Variants in SPATA6L observed in about 807,000 individuals in gnomAD.
SPATA6L encodes the protein spermatogenesis associated 6-like protein.
SPATA6L carries 68 observed loss-of-function variants against 49.2 expected under a neutral mutation model. The ratio of observed to expected loss-of-function variants is 1.38; its 90% CI spans 1.14 to 1.69. SPATA6L has a LOEUF of 1.69. Among genes scored for constraint, SPATA6L ranks in the 40% most tolerant of loss-of-function variants. The pLI is 0.00. For synonymous variants in SPATA6L, 198 were observed against 165.7 expected, an observed-to-expected ratio of 1.19 and a Z score of -1.50; for missense variants, 668 against 464.3, an observed-to-expected ratio of 1.44 and a Z score of -4.03.
intron 1 of SPATA6L, chr9:4,663,180 T>C: frequency 6.2e-7 from 1 of 1,614,166 alleles, no homozygotes; most frequent in Non-Finnish European, 8.5e-7. Context: ...TTTTCTGGGC[T>C]ACATGCAGTA....
chr9:4,624,130 T>C (rs1490688599), intron 6 of SPATA6L, among the ~76,000 whole-genome samples: 1 of 152,208 alleles, frequency 6.6e-6, no homozygotes, highest in African/African-American at 2.4e-5. Context: ...ATCAACTTAA[T>C]GATACTATCA....
In SPATA6L at chr9:4,654,519, C is replaced by T. The variant is rs539144319; in HGVS notation, c.226+1522G>A. On this transcript the variant is annotated intron_variant, in intron 3 of 11. Transcript: ENST00000682582. ...AGCTCAATTAGACCCTCTACCATGT[C>T]GCAAGGACAGAGGGCTTTCTGTACC... Among the ~76,000 whole-genome samples, 28 of 152,296 alleles carry T rather than the reference C, an allele frequency of 1.8e-4. No individual in the cohort carries two copies. The South Asian group carries it at 4.1e-3, about 23-fold the overall frequency.
intron 9 of SPATA6L, among the ~76,000 whole-genome samples, chr9:4,617,133 G>T (rs904506177): frequency 5.3e-5 from 8 of 152,122 alleles, no homozygotes; most frequent in Non-Finnish European, 1.2e-4. Context: ...GTGGTTCTGG[G>T]ATATATTTAC....
In SPATA6L at chr9:4,617,886, C is replaced by T. The variant is rs1161629665; in HGVS notation, c.995+37G>A. The T allele has an allele frequency of 2.0e-6, 3 of 1,534,142 alleles. No individual in the cohort carries two copies. In the South Asian group the frequency reaches 3.9e-5, roughly 20 times the overall value. ...GCTTTACCCCTGCCAGGCCACAATG[C>T]ACTCGTCAGGCAAACAGATGGGTGC... On this transcript the variant is annotated intron_variant, in intron 9 of 11. Coordinates refer to ENST00000682582, the MANE Select transcript of SPATA6L (RefSeq NM_001353486.2).
chr9:4,627,510 C>A, intron 5 of SPATA6L: 1 of 322,772 alleles, frequency 3.1e-6, no homozygotes, highest in South Asian at 2.5e-5. Flanking sequence ...CTGGGATAAG[C>A]ATTTTGTTTC....
chr9:4,662,682 C>T lies in SPATA6L; in HGVS notation c.40-646G>A. ...GAACCCGTCCTTCCTGGGCATCGCCCTGCGCTCCCTGCTGGCCATCGACCT... is the reference window on the plus strand; with the variant it reads ...GAACCCGTCCTTCCTGGGCATCGCCTTGCGCTCCCTGCTGGCCATCGACCT... On this transcript the variant is annotated intron_variant, in intron 1 of 11. Transcript: ENST00000682582. This position sits in a 1 kb window ranked among gnomAD's most constrained non-coding sequence, Gnocchi z 4.9. The T allele has an allele frequency of 6.2e-7, 1 of 1,600,726 alleles. No homozygotes were observed.
intron 3 of SPATA6L, among the ~76,000 whole-genome samples, chr9:4,654,577 T>C (rs1301572140): frequency 6.6e-6 from 1 of 152,190 alleles, no homozygotes; most frequent in Non-Finnish European, 1.5e-5. Context: ...ACTGGAAGAA[T>C]AGGATCACAC....
At chr9:4,626,181 T>G (rs762972276) in intron 5 of SPATA6L, 2 of 221,450 alleles carry the variant, frequency 9.0e-6, no homozygotes, top group Non-Finnish European at 1.8e-5. Context: ...CTATTCCTGT[T>G]AGCATCATTC....
chr9:4,600,703 C>T lies in SPATA6L; in HGVS notation c.*108G>A, dbSNP rs1418001876. The T allele has an allele frequency of 6.6e-6, 1 of 152,188 alleles. No individual in the cohort carries two copies. The highest frequency in any genetic ancestry group is 1.5e-5 in the Non-Finnish European group (1 of 68,028). The allele number at this position is 152,188 out of a possible 1,614,324, so 9.4% of individuals were successfully genotyped here. A position where few individuals can be genotyped will look rare whatever the true frequency, so the allele number is the denominator to read the frequency against. ...GTTTGGTTTAAAGGGGATTAGACAT[C>T]AGTGACTCAACACAGACAACAAAAA... On this transcript the variant is annotated 3_prime_UTR_variant, in exon 12 of 12. Transcript: ENST00000682582.
At chr9:4,646,359 C>T in intron 3 of SPATA6L, 1 of 521,358 alleles carries the variant, frequency 1.9e-6, no homozygotes. Context: ...GTTATATAAA[C>T]TTACAGACAC....
At position 4,657,539 on chromosome 9, in the gene SPATA6L, T is replaced by TA. The variant is rs942092336; in HGVS notation, c.178-1451dup. Among the ~76,000 whole-genome samples the TA allele has an allele frequency of 3.7e-4, 54 of 146,194 alleles. 1 individual carries two copies. Among genetic ancestry groups the TA allele is most frequent in the African/African-American group, 1.2e-3 (47 of 39,548 alleles). On this transcript the variant is annotated intron_variant, in intron 2 of 11. Coordinates refer to ENST00000682582, the MANE Select transcript of SPATA6L (RefSeq NM_001353486.2). ...AAATTTGAGCACAGAAACTGTTTTT[T>TA]AAAAAAAAAAGAAAAAGAAAAGAAA...
intron 2 of SPATA6L, among the ~76,000 whole-genome samples, chr9:4,661,386 C>T (rs1024502170): frequency 6.6e-6 from 1 of 152,120 alleles, no homozygotes. Flanking sequence ...ATGTTATTCA[C>T]CAGAATGGAA....
chr9:4,645,757 G>A (rs537419961), intron 3 of SPATA6L, among the ~76,000 whole-genome samples: 1 of 152,282 alleles, frequency 6.6e-6, no homozygotes, highest in East Asian at 1.9e-4. Flanking sequence ...GCCACATATT[G>A]TAGGCTTCTA....
chr9:4,643,661 A>G (rs1014834142), intron 3 of SPATA6L, among the ~76,000 whole-genome samples: 21 of 152,348 alleles, frequency 1.4e-4, no homozygotes, highest in Non-Finnish European at 2.8e-4. Context: ...CTATTTATAG[A>G]CCTATAAAAA....
intron 7 of SPATA6L, among the ~76,000 whole-genome samples, chr9:4,620,437 G>T (rs1453512682): frequency 6.6e-6 from 1 of 152,194 alleles, no homozygotes; most frequent in African/African-American, 2.4e-5. Flanking sequence ...CTGGAAGCTT[G>T]TTAGAAAAGG....
At chr9:4,615,652 C>G (rs1012750623) in intron 9 of SPATA6L, among the ~76,000 whole-genome samples, 1 of 152,202 alleles carries the variant, frequency 6.6e-6, no homozygotes, top group African/African-American at 2.4e-5. Flanking sequence ...TTGGATTGTA[C>G]TTCTGTTAGG....
chr9:4,648,384 T>C (rs532076862), intron 3 of SPATA6L, among the ~76,000 whole-genome samples: 22 of 152,226 alleles, frequency 1.4e-4, no homozygotes, highest in African/African-American at 5.3e-4. Context: ...CCACAGGTTA[T>C]TGGGGAATAG....
intron 7 of SPATA6L, among the ~76,000 whole-genome samples, chr9:4,621,795 G>A (rs1253567905): frequency 6.6e-6 from 1 of 152,128 alleles, no homozygotes; most frequent in Non-Finnish European, 1.5e-5. Context: ...GCCGTAGTCT[G>A]TTCTTATATT....
intron 2 of SPATA6L, 144 bp downstream of exon 2, chr9:4,661,755 T>TGCGGTTTTGCTTCAAGGCCGACG: frequency 9.2e-7 from 1 of 1,086,352 alleles, no homozygotes; most frequent in Non-Finnish European, 1.3e-6. Flanking sequence ...GTGTTCCGAC[T>TGCGGTTTTGCTTCAAGGCCGACG]GCGGTTTTGC....
Sources: allele counts gnomAD v4.1 joint callset (sites outside exome capture counted in the v4.1 genomes callset), GRCh38; gene constraint gnomAD v4.1.1; non-coding constraint Gnocchi (gnomAD v3.1); transcripts MANE v1.5; gene names NCBI Gene and HGNC (gene_info 2026-07-23, HGNC 2026-07-21).